Variants in KCNAB1 observed in about 807,000 individuals in gnomAD.
The protein encoded by KCNAB1 is voltage-gated potassium channel subunit beta-1.
In KCNAB1, 35 loss-of-function variants were observed where a neutral mutation model predicts 64.6. The observed-to-expected ratio is 0.54, with a 90% CI of 0.41 to 0.72. KCNAB1 has a LOEUF of 0.72. KCNAB1 is among the 30% of genes least tolerant of loss of function. KCNAB1 has a pLI of 0.00. For synonymous variants in KCNAB1, 177 were observed against 183.8 expected (o/e 0.96, Z 0.30); for missense variants, 401 against 512.9 (o/e 0.78, Z 2.11).
chr3:156,186,750 G>C (rs898572548), intron 1 of KCNAB1, among the ~76,000 whole-genome samples: 1 of 152,052 alleles, frequency 6.6e-6, no homozygotes, highest in Admixed American at 6.5e-5. Context: ...CTAAGGGAGA[G>C]GTTTCAGGCC....
intron 2 of KCNAB1, among the ~76,000 whole-genome samples, chr3:156,433,937 C>T (rs976477491): frequency 1.3e-5 from 2 of 152,120 alleles, no homozygotes; most frequent in Non-Finnish European, 2.9e-5. Flanking sequence ...AAAAAGAGAC[C>T]ATTACTATCA....
rs146050289 is a variant in KCNAB1 at position 156,161,714 on chromosome 3, G to T, written c.275+40828G>T. On this transcript the variant is annotated intron_variant, in intron 1 of 13. Coordinates refer to ENST00000490337, the MANE Select transcript of KCNAB1 (RefSeq NM_172160.3). ...GTGAAGGCTGGTCCACATAAGCAAAGTATTGTGACTTTACACTTTACATAA... is the reference window on the plus strand; with the variant it reads ...GTGAAGGCTGGTCCACATAAGCAAATTATTGTGACTTTACACTTTACATAA... Among the ~76,000 whole-genome samples, 3 of 152,300 alleles carry T rather than the reference G, an allele frequency of 2.0e-5. No individual in the cohort carries two copies. The East Asian group carries it at 5.8e-4, about 29-fold the overall frequency.
chr3:156,132,134 TAG>T (rs547997229), intron 1 of KCNAB1, among the ~76,000 whole-genome samples: 114 of 152,302 alleles, frequency 7.5e-4, no homozygotes, highest in African/African-American at 2.6e-3. Flanking sequence ...GCTTCTAAGG[TAG>T]AGTTTGGCTA....
intron 1 of KCNAB1, among the ~76,000 whole-genome samples, chr3:156,312,869 A>T (rs1054366374): frequency 6.6e-6 from 1 of 152,100 alleles, no homozygotes; most frequent in Non-Finnish European, 1.5e-5. Flanking sequence ...AATTTCTCTC[A>T]AGGCAGGGAA....
intron 1 of KCNAB1, among the ~76,000 whole-genome samples, chr3:156,346,573 G>A (rs1052893357): frequency 2.6e-5 from 4 of 152,124 alleles, no homozygotes; most frequent in Admixed American, 2.0e-4. Context: ...TCTCTTAAAT[G>A]CTTTATAATC....
chr3:156,374,604 G>A (rs1711531134), intron 1 of KCNAB1, among the ~76,000 whole-genome samples: 1 of 135,462 alleles, frequency 7.4e-6, no homozygotes, highest in Non-Finnish European at 1.5e-5. Flanking sequence ...GGAAATAGCA[G>A]CCTTGGTGGT....
At chr3:156,463,672 C>A (rs1437199556) in intron 5 of KCNAB1, 30 bp from the exon 6 acceptor site, 5 of 1,556,100 alleles carry the variant, frequency 3.2e-6, no homozygotes, top group Non-Finnish European at 4.4e-6. Flanking sequence ...TTATTTACTA[C>A]TTCTCTGTGT....
intron 1 of KCNAB1, among the ~76,000 whole-genome samples, chr3:156,234,529 T>A (rs948716378): frequency 2.6e-5 from 4 of 152,110 alleles, no homozygotes; most frequent in African/African-American, 7.2e-5. Context: ...ATGCCTTCTA[T>A]TTCTTAGCAA....
chr3:156,499,405 C>T (rs1443101451), intron 8 of KCNAB1, among the ~76,000 whole-genome samples: 4 of 152,176 alleles, frequency 2.6e-5, no homozygotes, highest in Non-Finnish European at 5.9e-5. Flanking sequence ...GCTGGTACCA[C>T]TGCTTACAAA....
chr3:156,359,198 A>C lies in KCNAB1; in HGVS notation c.276-62418A>C, dbSNP rs1725447105. The stretch of plus-strand genomic sequence containing the variant: ...ATTAAAAATTAATGTGGCCCCCTGC[A>C]TTGCAAAAGAAAAAACATGATTTTT... On this transcript the variant is annotated intron_variant, in intron 1 of 13. Coordinates refer to ENST00000490337, the MANE Select transcript of KCNAB1 (RefSeq NM_172160.3). Among the ~76,000 whole-genome samples, 3 of 152,138 alleles carry C rather than the reference A, an allele frequency of 2.0e-5. 1 individual carries two copies. In the South Asian group the frequency reaches 6.2e-4, roughly 31 times the overall value.
At chr3:156,124,559 A>G (rs1713538451) in intron 1 of KCNAB1, among the ~76,000 whole-genome samples, 1 of 152,062 alleles carries the variant, frequency 6.6e-6, no homozygotes, top group Admixed American at 6.5e-5. Flanking sequence ...TGAATGTATT[A>G]TATATGTGTA....
chr3:156,387,014 C>T (rs1259200576), intron 1 of KCNAB1, among the ~76,000 whole-genome samples: 9 of 90,516 alleles, frequency 9.9e-5, no homozygotes, highest in African/African-American at 1.6e-4. Flanking sequence ...TTCTCTCTCT[C>T]TTTTTTTTTT....
At chr3:156,346,051 T>C (rs1724459705) in intron 1 of KCNAB1, among the ~76,000 whole-genome samples, 1 of 151,978 alleles carries the variant, frequency 6.6e-6, no homozygotes, top group Non-Finnish European at 1.5e-5. Flanking sequence ...TATGTATTCA[T>C]GGCTATCATG....
At chr3:156,224,382 C>T (rs933422770) in intron 1 of KCNAB1, among the ~76,000 whole-genome samples, 3 of 152,224 alleles carry the variant, frequency 2.0e-5, no homozygotes, top group Non-Finnish European at 4.4e-5. Context: ...CACAGTGCAG[C>T]GGCGGGCTGA....
At chr3:156,405,635 T>A (rs1714199135) in intron 1 of KCNAB1, among the ~76,000 whole-genome samples, 2 of 152,226 alleles carry the variant, frequency 1.3e-5, no homozygotes, top group African/African-American at 2.4e-5. Flanking sequence ...ATTTTTAGGC[T>A]TTTTTATCTA....
chr3:156,405,028 T>C (rs1283932358), intron 1 of KCNAB1, among the ~76,000 whole-genome samples: 1 of 152,212 alleles, frequency 6.6e-6, no homozygotes, highest in Non-Finnish European at 1.5e-5. Flanking sequence ...TAGTAATGAA[T>C]GGCAAGTTAA....
Position 156,178,204 on chromosome 3 carries a change from T to C in KCNAB1, c.275+57318T>C, listed in dbSNP as rs79466830. Among the ~76,000 whole-genome samples, 615 of 152,344 alleles carry C rather than the reference T, an allele frequency of 4.0e-3. 6 individuals are homozygous for C. The highest frequency in any genetic ancestry group is 7.6e-3 in the Non-Finnish European group (520 of 68,026). On this transcript the variant is annotated intron_variant, in intron 1 of 13. Coordinates refer to ENST00000490337, the MANE Select transcript of KCNAB1 (RefSeq NM_172160.3). ...CCGTGTTCCTGTGAACCTGCTTTCTTGCCTGTAAAAGGAAAACCATAGACT... is the reference window on the plus strand; with the variant it reads ...CCGTGTTCCTGTGAACCTGCTTTCTCGCCTGTAAAAGGAAAACCATAGACT...
intron 8 of KCNAB1, among the ~76,000 whole-genome samples, chr3:156,492,833 C>T (rs1211101866): frequency 6.6e-6 from 1 of 152,042 alleles, no homozygotes; most frequent in South Asian, 2.1e-4. Context: ...ACCAAGAGAG[C>T]AATACGTAAA....
intron 11 of KCNAB1, among the ~76,000 whole-genome samples, chr3:156,517,374 A>C (rs1344248430): frequency 3.3e-5 from 5 of 152,248 alleles, no homozygotes; most frequent in Non-Finnish European, 5.9e-5. Context: ...ATAATACAAC[A>C]TGAATACGTC....
Sources: gnomAD v4.1 joint callset for allele counts (sites outside exome capture counted in the v4.1 genomes callset) on GRCh38, gnomAD v4.1.1 for gene constraint, MANE v1.5 for transcripts, NCBI Gene and HGNC (gene_info 2026-07-23, HGNC 2026-07-21) for gene names.